The following PABIR3 variants were observed in gnomAD, a reference collection of about 807,000 sequenced individuals.
PABIR3 encodes PABIR family member 3, also known as PABIR family member 1.
A neutral mutation model predicts 23.1 loss-of-function variants in PABIR3; 20 were observed. The observed-to-expected ratio is 0.86, with a 90% CI of 0.61 to 1.26. The LOEUF (loss-of-function observed/expected upper bound fraction) is 1.26, where lower values mean the gene tolerates loss of function less well. Ranked by LOEUF, PABIR3 falls within the 50% of genes most tolerant of loss-of-function variation. The pLI, the probability that PABIR3 is intolerant of heterozygous loss-of-function variation, is 0.00. For synonymous variants in PABIR3, 69 were observed against 68.5 expected (o/e 1.01, Z -0.04); for missense variants, 189 against 195.4 (o/e 0.97, Z 0.20).
chrX:134,811,491 C>T (rs1478463238), intron 2 of PABIR3, among the ~76,000 whole-genome samples: 3 of 109,637 alleles, frequency 2.7e-5, no homozygotes, highest in African/African-American at 6.6e-5. Flanking sequence ...TGGGCTCAAG[C>T]GATTCTCCTG....
chrX:134,834,292 G>A (rs910766154), intron 4 of PABIR3: 2 of 112,295 alleles, frequency 1.8e-5, no homozygotes, highest in Admixed American at 1.9e-4. Context: ...TTTTTCGTAT[G>A]TTTGTTGGCC....
At position 134,812,465 on chromosome X, in the gene PABIR3, A is replaced by G. The variant is rs1343394164; in HGVS notation, c.111-2306A>G. ...CATCCATATACCTTCCATTCACAAA[A>G]TATTAAGTTACTGCCTGTTATATGC... On this transcript the variant is annotated intron_variant, in intron 2 of 10. Coordinates refer to ENST00000645433, the MANE Select transcript of PABIR3 (RefSeq NM_001388447.1). Among the ~76,000 whole-genome samples the G allele has an allele frequency of 4.5e-5, 5 of 112,217 alleles. No homozygotes were observed. In the Admixed American group the frequency reaches 4.8e-4, roughly 11 times the overall value.
chrX:134,832,231 C>T (rs1309966416), intron 4 of PABIR3, among the ~76,000 whole-genome samples: 8 of 107,252 alleles, frequency 7.5e-5, no homozygotes, highest in East Asian at 6.1e-4. Flanking sequence ...GCCGAGATCG[C>T]GCCACTGCAC....
chrX:134,842,860 T>C (rs2082283241), intron 4 of PABIR3, among the ~76,000 whole-genome samples: 1 of 103,369 alleles, frequency 9.7e-6, no homozygotes, highest in Admixed American at 1.1e-4. Context: ...ATTGCGCCAT[T>C]GCACTCCAGC....
upstream of PABIR3, among the ~76,000 whole-genome samples, chrX:134,803,272 G>C (rs1006849536): frequency 1.8e-5 from 2 of 111,493 alleles, no homozygotes; most frequent in African/African-American, 6.5e-5. Flanking sequence ...CATGTGGAAG[G>C]AGGTCTTTGT....
At position 134,825,948 on chromosome X, in the gene PABIR3, T is replaced by C. The variant is rs143778900; in HGVS notation, c.190-3278T>C. ...GCCTTGGCCTGTCAAAGTGCTAGGA[T>C]TACAGGTGTGAGCCACCGCATCCAG... On this transcript the variant is annotated intron_variant, in intron 3 of 10. Transcript: ENST00000645433. Among the ~76,000 whole-genome samples, 407 of 107,640 alleles carry C rather than the reference T, an allele frequency of 3.8e-3. 2 individuals are homozygous for C. Among genetic ancestry groups the C allele is most frequent in the African/African-American group, 0.013 (393 of 29,465 alleles). The allele number at this position is 107,640 out of a possible 115,157, so 93.5% of individuals were successfully genotyped here.
the PABIR3 span, among the ~76,000 whole-genome samples, chrX:134,861,451 G>A: frequency 9.2e-6 from 1 of 108,936 alleles, no homozygotes; most frequent in Non-Finnish European, 1.9e-5. Flanking sequence ...CTTTTTATTA[G>A]GTTGGTGCAA....
intron 4 of PABIR3, among the ~76,000 whole-genome samples, chrX:134,837,624 C>A (rs954648335): frequency 8.9e-6 from 1 of 111,909 alleles, no homozygotes; most frequent in African/African-American, 3.2e-5. Flanking sequence ...GGCTGTTGAC[C>A]TTTTATACTT....
At chrX:134,809,786 T>C in intron 2 of PABIR3, 2 of 752,125 alleles carry the variant, frequency 2.7e-6, no homozygotes, top group Non-Finnish European at 3.1e-6. Flanking sequence ...CCTAAACTAC[T>C]GTTCTGGCCA....
chrX:134,845,407 A>G lies in PABIR3; in HGVS notation c.345+6A>G. 4.2e-6 allele frequency: 5 copies of G among 1,182,884 alleles called. No homozygotes were observed. The highest frequency in any genetic ancestry group is 5.7e-6 in the Non-Finnish European group (5 of 879,719). On this transcript the variant is annotated splice_donor_region_variant and intron_variant, in intron 6 of 10. Transcript: ENST00000645433. Reference sequence around the variant, plus strand: ...GGGAAGAAGGCTTGAAACTGGTATGATATTATAACTTCAGTTTTGTAGAAA... The same window carrying G: ...GGGAAGAAGGCTTGAAACTGGTATGGTATTATAACTTCAGTTTTGTAGAAA...
chrX:134,820,240 T>C (rs1603200099), intron 3 of PABIR3, among the ~76,000 whole-genome samples: 1 of 112,369 alleles, frequency 8.9e-6, no homozygotes, highest in African/African-American at 3.2e-5. Flanking sequence ...TATTTTTACT[T>C]TATGCATTTC....
At chrX:134,821,234 C>A in intron 3 of PABIR3, 1 of 842,474 alleles carries the variant, frequency 1.2e-6, no homozygotes, top group Non-Finnish European at 1.6e-6. Flanking sequence ...TGCGTATTTT[C>A]CAAGCATTGT....
At chrX:134,828,959 A>G (rs1482252459) in intron 3 of PABIR3, among the ~76,000 whole-genome samples, 1 of 111,572 alleles carries the variant, frequency 9.0e-6, no homozygotes, top group Admixed American at 9.6e-5. Context: ...GGTAGAGACA[A>G]ACAAAATCCT....
At chrX:134,828,701 ACTTGAAAGTGATTAC>A (rs779914156) in intron 3 of PABIR3, among the ~76,000 whole-genome samples, 22 of 112,042 alleles carry the variant, frequency 2.0e-4, no homozygotes, top group Non-Finnish European at 3.9e-4. Context: ...GTGCTAAATG[ACTTGAAAGTGATTAC>A]CTTAGAGTCA....
chrX:134,826,452 A>G (rs955696868), intron 3 of PABIR3, among the ~76,000 whole-genome samples: 4 of 111,441 alleles, frequency 3.6e-5, no homozygotes, highest in African/African-American at 1.3e-4. Flanking sequence ...CTTATATAAA[A>G]TCTGCTTCCA....
intron 9 of PABIR3, among the ~76,000 whole-genome samples, chrX:134,851,845 C>T (rs1716440610): frequency 9.0e-6 from 1 of 111,370 alleles, no homozygotes; most frequent in South Asian, 3.8e-4. Flanking sequence ...TTAATGGTGA[C>T]CTTAGGGTTT....
chrX:134,833,547 T>C (rs1021040080), intron 4 of PABIR3, among the ~76,000 whole-genome samples: 1 of 111,755 alleles, frequency 8.9e-6, no homozygotes, highest in African/African-American at 3.3e-5. Context: ...ACAGCATTTT[T>C]ATTTTATTTT....
At position 134,829,301 on chromosome X, in the gene PABIR3, C is replaced by T. The variant is rs1338762431; in HGVS notation, c.246+19C>T. Reference sequence around the variant, plus strand: ...CAAACAGGTAAGAAGACTTTCCAAACTGACAGCTGTTCATTTAAAAAAGTA... The same window carrying T: ...CAAACAGGTAAGAAGACTTTCCAAATTGACAGCTGTTCATTTAAAAAAGTA... On this transcript the variant is annotated intron_variant, in intron 4 of 10. Coordinates refer to ENST00000645433, the MANE Select transcript of PABIR3 (RefSeq NM_001388447.1). 1.7e-6 allele frequency: 2 copies of T among 1,171,990 alleles called. No homozygotes were observed. Among genetic ancestry groups the T allele is most frequent in the Non-Finnish European group, 2.3e-6 (2 of 866,583 alleles).
At chrX:134,809,193 TC>T (rs1217010000) in intron 2 of PABIR3, 1 of 138,347 alleles carries the variant, frequency 7.2e-6, no homozygotes, top group Non-Finnish European at 1.4e-5. Flanking sequence ...TAAGACGGAG[TC>T]TCACTGTGTC....
Sources: gnomAD v4.1 joint callset for allele counts (sites outside exome capture counted in the v4.1 genomes callset) on GRCh38, gnomAD v4.1.1 for gene constraint, MANE v1.5 for transcripts, NCBI Gene and HGNC (gene_info 2026-07-23, HGNC 2026-07-21) for gene names.